The following LRRC8D variants were observed in gnomAD, a reference collection of about 807,000 sequenced individuals.
LRRC8D encodes volume-regulated anion channel subunit LRRC8D.
Under a neutral mutation model 55.8 loss-of-function variants are expected in LRRC8D, and 20 were observed. The observed-to-expected ratio is 0.36, with a 90% CI of 0.25 to 0.52. LRRC8D has a LOEUF of 0.52. Ranked by LOEUF, LRRC8D falls within the 20% of genes least tolerant of loss-of-function variation. The probability of loss-of-function intolerance (pLI) is 0.93; values close to 1 mark genes in which losing one functional copy is unlikely to be tolerated. For missense variants in LRRC8D, 651 were observed against 1,030.8 expected (o/e 0.63, Z 5.05); for synonymous variants, 352 against 377.0 (o/e 0.93, Z 0.77).
At chr1:89,829,687 C>T (rs759039572) in intron 1 of LRRC8D, among the ~76,000 whole-genome samples, 24 of 152,202 alleles carry the variant, frequency 1.6e-4, no homozygotes, top group African/African-American at 2.4e-4. Flanking sequence ...AGAGCCATAG[C>T]GGCATCCCGG....
At chr1:89,831,526 C>G (rs1213976965) in intron 1 of LRRC8D, among the ~76,000 whole-genome samples, 1 of 151,714 alleles carries the variant, frequency 6.6e-6, no homozygotes, top group Non-Finnish European at 1.5e-5. Context: ...GATCATCTAC[C>G]CCAGGAGATA....
At chr1:89,908,338 GAC>G (rs1174879942) in intron 2 of LRRC8D, among the ~76,000 whole-genome samples, 2 of 152,144 alleles carry the variant, frequency 1.3e-5, no homozygotes, top group Non-Finnish European at 2.9e-5. Flanking sequence ...TCATTTCATA[GAC>G]ACAAGAACTG....
In LRRC8D at chr1:89,843,425, G is replaced by T. The variant is rs942831826; in HGVS notation, c.-147-213G>T. 3.1e-5 allele frequency: 11 copies of T among 354,044 alleles called. No homozygotes were observed. The South Asian group carries it at 9.3e-4, about 30-fold the overall frequency. The allele number at this position is 354,044 out of a possible 1,614,324, so 21.9% of individuals were successfully genotyped here. On this transcript the variant is annotated intron_variant, in intron 1 of 2. Coordinates refer to ENST00000337338, the MANE Select transcript of LRRC8D (RefSeq NM_001134479.2). ...TGGCTGGCAGCGAGGCCACCAGCAG[G>T]GGGGGCCCGGGCCGAGGCCGCGCCA...
intron 2 of LRRC8D, among the ~76,000 whole-genome samples, chr1:89,907,459 G>A (rs1403080523): frequency 6.6e-6 from 1 of 151,964 alleles, no homozygotes; most frequent in Non-Finnish European, 1.5e-5. Flanking sequence ...CAAAGTGCTG[G>A]GATTACAAGT....
intron 1 of LRRC8D, among the ~76,000 whole-genome samples, chr1:89,838,097 C>G (rs750410609): frequency 6.6e-6 from 1 of 151,610 alleles, no homozygotes; most frequent in East Asian, 1.9e-4. Context: ...TGGTGGCTCA[C>G]GCCTGTAATC....
At chr1:89,904,407 G>A (rs566715832) in intron 2 of LRRC8D, among the ~76,000 whole-genome samples, 54 of 152,318 alleles carry the variant, frequency 3.5e-4, no homozygotes, top group South Asian at 8.3e-4. Flanking sequence ...TCTGGTTCCT[G>A]GGCTGTGCCT....
intron 2 of LRRC8D, among the ~76,000 whole-genome samples, chr1:89,921,338 C>CA (rs942220210): frequency 8.6e-5 from 13 of 151,050 alleles, no homozygotes; most frequent in Admixed American, 1.3e-4. Context: ...GACCCTATTT[C>CA]AAAAAAAACA....
At chr1:89,921,230 C>T (rs1401936049) in intron 2 of LRRC8D, among the ~76,000 whole-genome samples, 6 of 151,802 alleles carry the variant, frequency 4.0e-5, no homozygotes, top group South Asian at 2.1e-4. Flanking sequence ...CTGGGCTACT[C>T]GGGAGGCTGA....
chr1:89,894,964 A>G (rs1440642042), intron 2 of LRRC8D, among the ~76,000 whole-genome samples: 1 of 152,164 alleles, frequency 6.6e-6, no homozygotes, highest in Non-Finnish European at 1.5e-5. Flanking sequence ...GTCAGATTCC[A>G]TGACCCAAGT....
In LRRC8D at chr1:89,885,374, A is replaced by G. The variant is rs909292324; in HGVS notation, c.-3+41592A>G. 2.0e-5 allele frequency among the ~76,000 whole-genome samples: 3 copies of G among 152,246 alleles called. No individual in the cohort carries two copies. The East Asian group carries it at 5.8e-4, about 29-fold the overall frequency. On this transcript the variant is annotated intron_variant, in intron 2 of 2. Transcript: ENST00000337338. ...TGCATGTATTATGAGTCATAAAAGAAACATGAGGGCCCAGAAACACATTTT... is the reference window on the plus strand; with the variant it reads ...TGCATGTATTATGAGTCATAAAAGAGACATGAGGGCCCAGAAACACATTTT...
At chr1:89,907,183 C>CTTTTTT (rs71584958) in intron 2 of LRRC8D, among the ~76,000 whole-genome samples, 3 of 69,816 alleles carry the variant, frequency 4.3e-5, no homozygotes, top group East Asian at 5.2e-4. Flanking sequence ...TCCACTGTGT[C>CTTTTTT]TTTTTTTTTT....
intron 2 of LRRC8D, among the ~76,000 whole-genome samples, chr1:89,897,573 T>A (rs1174728709): frequency 6.6e-6 from 1 of 152,208 alleles, no homozygotes; most frequent in African/African-American, 2.4e-5. Flanking sequence ...AATTGGATGC[T>A]GTGTCTATAC....
intron 2 of LRRC8D, among the ~76,000 whole-genome samples, chr1:89,859,349 C>T (rs1289733766): frequency 2.0e-5 from 3 of 151,794 alleles, no homozygotes; most frequent in Non-Finnish European, 4.4e-5. Flanking sequence ...GGAGTTGTTA[C>T]TATCTTAACA....
intron 1 of LRRC8D, chr1:89,821,883 C>G (rs1040597961): frequency 5.3e-5 from 8 of 151,966 alleles, no homozygotes; most frequent in African/African-American, 1.4e-4. Context: ...GCAGGTGCAC[C>G]CAGCCGTCCG....
In LRRC8D at chr1:89,881,354, T is replaced by C. The variant is rs548026899; in HGVS notation, c.-3+37572T>C. 2.6e-4 allele frequency among the ~76,000 whole-genome samples: 39 copies of C among 152,290 alleles called. No homozygotes were observed. The South Asian group carries it at 5.2e-3, about 20-fold the overall frequency. On this transcript the variant is annotated intron_variant, in intron 2 of 2. Transcript: ENST00000337338. ...GAGGAGATTTCTAAAGAAAGGAGAA[T>C]GTATGAAATAGTCATCTAAAAAACG...
chr1:89,933,817 G>T lies in LRRC8D; in HGVS notation c.749G>T (p.Ser250Ile). Reference sequence around the variant, plus strand: ...AGTGATGAAGGGAGCCCCAGTGCCAGTACACCAATGATCAATAAAACTGGC... The same window carrying T: ...AGTGATGAAGGGAGCCCCAGTGCCATTACACCAATGATCAATAAAACTGGC... ...TSSDEGSPSASTPMINKTGFK... is the reference protein window; with the variant it reads ...TSSDEGSPSAITPMINKTGFK... Residue 250 changes from serine (S) to isoleucine (I), a missense_variant, in exon 3 of 3, where the codon AGT (serine) becomes ATT (isoleucine). Ser to Ile is a moderately radical substitution (Grantham distance 142). This residue lies in a region of LRRC8D where 178 missense variants were observed against 374.9 expected (regional missense o/e 0.47). Coordinates refer to ENST00000337338, the MANE Select transcript of LRRC8D (RefSeq NM_001134479.2). This position sits in a 1 kb window ranked among gnomAD's most constrained non-coding sequence, Gnocchi z 7.0. The T allele has an allele frequency of 6.2e-7, 1 of 1,614,148 alleles. No individual in the cohort carries two copies. Among genetic ancestry groups the T allele is most frequent in the Non-Finnish European group, 8.5e-7 (1 of 1,180,016 alleles).
At chr1:89,893,260 A>G (rs1662624205) in intron 2 of LRRC8D, among the ~76,000 whole-genome samples, 1 of 152,220 alleles carries the variant, frequency 6.6e-6, no homozygotes, top group Non-Finnish European at 1.5e-5. Context: ...ACAGTCCTGC[A>G]GAGGGATGAG....
chr1:89,930,618 G>A (rs184083444), intron 2 of LRRC8D, among the ~76,000 whole-genome samples: 13 of 152,046 alleles, frequency 8.6e-5, no homozygotes, highest in African/African-American at 2.9e-4. Context: ...AAAATCTATT[G>A]TTCCTATTAC....
chr1:89,910,324 ATTTG>A (rs2100938992), intron 2 of LRRC8D, among the ~76,000 whole-genome samples: 1 of 152,286 alleles, frequency 6.6e-6, no homozygotes, highest in South Asian at 2.1e-4. Context: ...AGTTGATATT[ATTTG>A]TTTGTCTCAT....
Sources: gnomAD v4.1 joint callset for allele counts (sites outside exome capture counted in the v4.1 genomes callset) on GRCh38, gnomAD v4.1.1 for gene constraint, gnomAD v4.1.1 regional missense constraint, Gnocchi (gnomAD v3.1) non-coding constraint, MANE v1.5 for transcripts, NCBI Gene and HGNC (gene_info 2026-07-23, HGNC 2026-07-21) for gene names.